DYM: variants seen among roughly 807,000 people sequenced by gnomAD.
DYM encodes the protein dyggve-Melchior-Clausen syndrome protein.
Under a neutral mutation model 93.1 loss-of-function variants are expected in DYM, and 78 were observed. The observed-to-expected ratio is 0.84, with a 90% CI of 0.70 to 1.01. The LOEUF is 1.01. Ranked by LOEUF, DYM falls within the 50% of genes least tolerant of loss-of-function variation. The pLI is 0.00. For synonymous variants in DYM, 321 were observed against 319.7 expected (o/e 1.00, Z -0.04); for missense variants, 789 against 845.0 (o/e 0.93, Z 0.82).
intron 16 of DYM, among the ~76,000 whole-genome samples, chr18:49,108,701 T>G (rs1389647929): frequency 1.3e-5 from 2 of 152,284 alleles, no homozygotes; most frequent in East Asian, 3.9e-4. Context: ...TGTTGTTGGG[T>G]GGTATGTTCT....
At chr18:49,375,193 GACACACACAC>G (rs34631271) in intron 5 of DYM, among the ~76,000 whole-genome samples, 21 of 138,002 alleles carry the variant, frequency 1.5e-4, no homozygotes, top group South Asian at 9.3e-4. Flanking sequence ...AAGGGGAAAA[GACACACACAC>G]ACACACACAC....
chr18:49,316,758 ATC>A (rs969403277), intron 8 of DYM, among the ~76,000 whole-genome samples: 2 of 149,684 alleles, frequency 1.3e-5, no homozygotes, highest in East Asian at 2.1e-4. Context: ...TCTTTTTACT[ATC>A]TCTCTTTTTT....
intron 1 of DYM, among the ~76,000 whole-genome samples, chr18:49,454,625 T>G (rs373106521): frequency 4.8e-4 from 73 of 151,816 alleles, no homozygotes; most frequent in African/African-American, 1.7e-3. Context: ...GCAGGCCGGG[T>G]GCGGTGGCTC....
intron 3 of DYM, among the ~76,000 whole-genome samples, chr18:49,390,505 T>A (rs1211728473): frequency 6.8e-6 from 1 of 147,608 alleles, no homozygotes; most frequent in African/African-American, 2.5e-5. Flanking sequence ...TACAGCTCGA[T>A]TTTTTTTTTT....
At chr18:49,445,600 G>A (rs1387941355) in intron 1 of DYM, among the ~76,000 whole-genome samples, 3 of 152,132 alleles carry the variant, frequency 2.0e-5, no homozygotes, top group South Asian at 4.2e-4. Flanking sequence ...TATATTAATA[G>A]TAACAGTTCC....
rs775179721 is a variant in DYM at position 49,351,587 on chromosome 18, GA to G, written c.494+11573del. On this transcript the variant is annotated intron_variant, in intron 6 of 17. Transcript: ENST00000675505. ...TTCTAAAATCTTCCACCGAGGAAAAGAAAAAAAAAAACCATACAGAGCAATG... is the reference window on the plus strand; with the variant it reads ...TTCTAAAATCTTCCACCGAGGAAAAGAAAAAAAAAACCATACAGAGCAATG... Among the ~76,000 whole-genome samples, 290 of 137,382 alleles carry G rather than the reference GA, an allele frequency of 2.1e-3. 1 individual carries two copies. Among genetic ancestry groups the G allele is most frequent in the African/African-American group, 5.7e-3 (216 of 37,716 alleles). 90.1% of individuals were successfully genotyped at this position (137,382 alleles called of 152,430 possible).
At chr18:49,378,761 T>C in intron 4 of DYM, 61 bp from the exon 5 acceptor site, 1 of 1,567,260 alleles carries the variant, frequency 6.4e-7, no homozygotes, top group African/African-American at 1.4e-5. Flanking sequence ...AGTTTATTTC[T>C]AGTTCATGAT....
At chr18:49,271,706 T>G (rs983354494) in intron 11 of DYM, among the ~76,000 whole-genome samples, 2 of 151,604 alleles carry the variant, frequency 1.3e-5, no homozygotes, top group Non-Finnish European at 2.9e-5. Flanking sequence ...AAGAGAAACA[T>G]AAGACCAGTT....
At chr18:49,215,893 G>C (rs981967397) in intron 13 of DYM, among the ~76,000 whole-genome samples, 4 of 152,234 alleles carry the variant, frequency 2.6e-5, no homozygotes, top group Non-Finnish European at 5.9e-5. Flanking sequence ...GTGCCAGACA[G>C]TGGGTGCAGG....
chr18:49,314,532 T>C (rs1006291427), intron 8 of DYM, among the ~76,000 whole-genome samples: 1 of 152,212 alleles, frequency 6.6e-6, no homozygotes, highest in African/African-American at 2.4e-5. Flanking sequence ...TTTTACTAAA[T>C]AAAGACCAAA....
intron 13 of DYM, among the ~76,000 whole-genome samples, chr18:49,235,060 G>T (rs1426108119): frequency 3.9e-5 from 6 of 152,164 alleles, no homozygotes; most frequent in Non-Finnish European, 7.3e-5. Context: ...TATGAACCCA[G>T]CAGGCCTACA....
intron 16 of DYM, among the ~76,000 whole-genome samples, chr18:49,108,304 C>T (rs934355569): frequency 1.3e-5 from 2 of 152,182 alleles, no homozygotes; most frequent in Admixed American, 1.3e-4. Context: ...TGCCGTCTGT[C>T]ACCCCTTTCT....
At chr18:49,336,661 C>G (rs997293047) in intron 6 of DYM, among the ~76,000 whole-genome samples, 10 of 152,140 alleles carry the variant, frequency 6.6e-5, no homozygotes, top group African/African-American at 2.4e-4. Flanking sequence ...AAAATTTATT[C>G]TTACTATCTC....
intron 13 of DYM, among the ~76,000 whole-genome samples, chr18:49,230,188 T>C (rs2093654623): frequency 1.3e-5 from 2 of 152,200 alleles, no homozygotes; most frequent in South Asian, 4.1e-4. Flanking sequence ...GGAAATTTTC[T>C]ACATGTAATA....
intron 17 of DYM, among the ~76,000 whole-genome samples, chr18:49,080,535 C>T (rs552373347): frequency 1.5e-4 from 19 of 127,028 alleles, no homozygotes; most frequent in African/African-American, 3.9e-4. Flanking sequence ...CCAGTAGGGG[C>T]GGCCGGGCAG....
At chr18:49,198,107 C>A (rs550208078) in intron 14 of DYM, among the ~76,000 whole-genome samples, 1 of 152,052 alleles carries the variant, frequency 6.6e-6, no homozygotes, top group Non-Finnish European at 1.5e-5. Context: ...CTTTGACAAA[C>A]CTGACAAAAA....
chr18:49,044,985 C>T (rs1331102025), intron 17 of DYM, among the ~76,000 whole-genome samples: 1 of 152,252 alleles, frequency 6.6e-6, no homozygotes, highest in African/African-American at 2.4e-5. Flanking sequence ...TGATTTTCTA[C>T]TTTTATTCCT....
At chr18:49,173,765 G>A (rs1796939830) in intron 14 of DYM, among the ~76,000 whole-genome samples, 1 of 152,066 alleles carries the variant, frequency 6.6e-6, no homozygotes, top group African/African-American at 2.4e-5. Context: ...ACATATTCAT[G>A]TCTTGTGCAA....
chr18:49,108,866 T>C (rs2081127166), intron 16 of DYM, among the ~76,000 whole-genome samples: 2 of 152,224 alleles, frequency 1.3e-5, no homozygotes, highest in East Asian at 3.8e-4. Flanking sequence ...TCTATCAGTT[T>C]TTATTTCATG....
Sources: gnomAD v4.1 joint callset for allele counts (sites outside exome capture counted in the v4.1 genomes callset) on GRCh38, gnomAD v4.1.1 for gene constraint, MANE v1.5 for transcripts, NCBI Gene and HGNC (gene_info 2026-07-23, HGNC 2026-07-21) for gene names.